The following TRPM4 variants were observed in gnomAD, a reference collection of about 807,000 sequenced individuals.
TRPM4 encodes transient receptor potential cation channel subfamily M member 4.
In TRPM4, 124 loss-of-function variants were observed where a neutral mutation model predicts 135.6. That is an observed-to-expected ratio of 0.91 (90% CI 0.79 to 1.06). The LOEUF (loss-of-function observed/expected upper bound fraction) is 1.06, where lower values mean the gene tolerates loss of function less well. Ranked by LOEUF, TRPM4 falls within the 50% of genes least tolerant of loss-of-function variation. The pLI is 0.00. For synonymous variants in TRPM4, 745 were observed against 705.6 expected, an observed-to-expected ratio of 1.06 and a Z score of -0.88; for missense variants, 1,658 against 1,671.4, an observed-to-expected ratio of 0.99 and a Z score of 0.14.
intron 9 of TRPM4, among the ~76,000 whole-genome samples, chr19:49,180,386 C>T (rs929514044): frequency 4.6e-5 from 7 of 151,282 alleles, no homozygotes; most frequent in African/African-American, 1.7e-4. Flanking sequence ...CAATATACCC[C>T]AAGTTTCAGA....
intron 2 of TRPM4, chr19:49,159,263 C>T (rs1167287976): frequency 6.6e-6 from 1 of 151,700 alleles, no homozygotes; most frequent in Non-Finnish European, 1.5e-5. Context: ...ATCTCCTGAC[C>T]TTGTGATCCG....
chr19:49,164,741 C>CT (rs1011095732), intron 2 of TRPM4, among the ~76,000 whole-genome samples: 1 of 150,020 alleles, frequency 6.7e-6, no homozygotes, highest in South Asian at 2.1e-4. Context: ...TCCTTCTTTT[C>CT]TTTTTTTTGA....
At chr19:49,186,485 G>T (rs748921363) in intron 12 of TRPM4, among the ~76,000 whole-genome samples, 8 of 152,094 alleles carry the variant, frequency 5.3e-5, no homozygotes, top group Non-Finnish European at 1.2e-4. Context: ...TCCTTTCATG[G>T]CCTCTTTCTT....
rs1157502779 is a variant in TRPM4, at chr19:49,196,463, C to T, written c.2234C>T (p.Thr745Met). Reference sequence around the variant, plus strand: ...AGGACGGCGGACCCAGCCGAGAAGACGCCGCTGGGGGTCCCGCGCCAGTCG... The same window carrying T: ...AGGACGGCGGACCCAGCCGAGAAGATGCCGCTGGGGGTCCCGCGCCAGTCG... ...PVGTADPAEK[T>M]PLGVPRQSGR... Residue 745 changes from threonine (T) to methionine (M), a missense_variant, in exon 17 of 25, where the codon ACG becomes ATG. Physicochemically the swap from Thr to Met is moderately conservative, Grantham distance 81. This residue lies in a region of TRPM4 where 1,412 missense variants were observed against 1,408.7 expected (regional missense o/e 1.00). Coordinates refer to ENST00000252826, the MANE Select transcript of TRPM4 (RefSeq NM_017636.4). 1.9e-6 allele frequency: 3 copies of T among 1,548,706 alleles called. No homozygotes were observed. Among genetic ancestry groups the T allele is most frequent in the South Asian group, 1.2e-5 (1 of 83,468 alleles).
chr19:49,165,679 G>A (rs887413182), intron 2 of TRPM4, among the ~76,000 whole-genome samples: 1 of 152,164 alleles, frequency 6.6e-6, no homozygotes, highest in Non-Finnish European at 1.5e-5. Context: ...TGAGTTACCC[G>A]CTGGATGTTC....
In TRPM4 at chr19:49,171,769, G is replaced by T; in HGVS notation, c.1050G>T (p.Gln350His). Residue 350 changes from glutamine to histidine, a missense_variant and splice_region_variant, in exon 8 of 25, where the codon CAG becomes CAT. Around this residue, in one of 3 missense-constraint regions of TRPM4, gnomAD observed 1,412 missense variants for 1,408.7 expected, o/e 1.00. Transcript: ENST00000252826. The surrounding 1 kb of genome is among the most constrained non-coding windows in gnomAD (Gnocchi z 4.7). Reference sequence around the variant, plus strand: ...GGGACCTTGAGGTCCTGCAGGCCCAGGTATGACACTGGGGGCCCAACTCTG... The same window carrying T: ...GGGACCTTGAGGTCCTGCAGGCCCATGTATGACACTGGGGGCCCAACTCTG... ...PKGDLEVLQAQVERIMTRKEL... is the reference protein window; with the variant it reads ...PKGDLEVLQAHVERIMTRKEL... The T allele has an allele frequency of 6.2e-7, 1 of 1,608,790 alleles. No homozygotes were observed.
intron 2 of TRPM4, among the ~76,000 whole-genome samples, chr19:49,161,445 C>A (rs148135192): frequency 0.014 from 2,035 of 150,132 alleles, 41 homozygotes; most frequent in Middle Eastern, 0.027. Context: ...ACATGAGCCT[C>A]CGGAGTAGCT....
chr19:49,183,834 C>T (rs936318989), intron 12 of TRPM4, among the ~76,000 whole-genome samples: 1 of 148,768 alleles, frequency 6.7e-6, no homozygotes, highest in Non-Finnish European at 1.5e-5. Flanking sequence ...AGTGCAGTGG[C>T]ATGATCTCGG....
chr19:49,197,310 TTC>T (rs1345016268), intron 17 of TRPM4, among the ~76,000 whole-genome samples: 31 of 57,442 alleles, frequency 5.4e-4, no homozygotes, highest in African/African-American at 2.5e-3. Context: ...TTCTTTCTTT[TTC>T]TTTCTTTCTT....
chr19:49,209,743 CTTTTTTT>C (rs780991215), intron 20 of TRPM4, among the ~76,000 whole-genome samples: 3 of 105,854 alleles, frequency 2.8e-5, no homozygotes, highest in African/African-American at 3.8e-5. Context: ...TCTAAACTGA[CTTTTTTT>C]TTTTTTTTTT....
chr19:49,211,054 G>C lies in TRPM4; in HGVS notation c.3501G>C (p.Glu1167Asp). 1 of 1,614,170 alleles carries C rather than the reference G, an allele frequency of 6.2e-7. No homozygotes were observed. The highest frequency in any genetic ancestry group is 8.5e-7 in the Non-Finnish European group (1 of 1,180,016). Residue 1167 changes from glutamate to aspartate, a missense_variant, in exon 23 of 25, where the codon GAG becomes GAC. By Grantham distance (45) the Glu-to-Asp change is conservative (BLOSUM62 2). Transcript: ENST00000252826. This position sits in a 1 kb window ranked among gnomAD's most constrained non-coding sequence, Gnocchi z 4.8. ...TGAAACAGCTGGGACACATCCGCGA[G>C]TACGAACAGCGCCTGAAAGTGCTGG... ...LALKQLGHIREYEQRLKVLER... is the reference protein window; with the variant it reads ...LALKQLGHIRDYEQRLKVLER...
intron 2 of TRPM4, among the ~76,000 whole-genome samples, chr19:49,165,618 G>A (rs1489374323): frequency 1.3e-5 from 2 of 152,048 alleles, no homozygotes; most frequent in Non-Finnish European, 2.9e-5. Flanking sequence ...AGGTGAAGCC[G>A]CTCGCCCAAA....
intron 20 of TRPM4, among the ~76,000 whole-genome samples, chr19:49,203,176 C>T (rs1170242812): frequency 1.3e-5 from 2 of 151,582 alleles, no homozygotes; most frequent in East Asian, 1.9e-4. Context: ...CAGGCGTGAG[C>T]CACCGCGCCC....
intron 2 of TRPM4, chr19:49,158,514 T>C: frequency 1.8e-6 from 1 of 546,554 alleles, no homozygotes; most frequent in South Asian, 2.3e-5. Context: ...CTCCCCGATG[T>C]CTCTTCTATG....
Position 49,211,764 on chromosome 19 carries a change from G to T in TRPM4, c.*266G>T. The T allele has an allele frequency of 1.7e-6, 1 of 581,158 alleles. No individual in the cohort carries two copies. The allele number at this position is 581,158 out of a possible 1,614,324, so 36.0% of individuals were successfully genotyped here. A position where few individuals can be genotyped will look rare whatever the true frequency, so the allele number is the denominator to read the frequency against. On this transcript the variant is annotated 3_prime_UTR_variant, in exon 25 of 25. Transcript: ENST00000252826. The surrounding 1 kb of genome is among the most constrained non-coding windows in gnomAD (Gnocchi z 4.8). ...CATCTGGAGGCTGCAGGGTCCTTGG[G>T]GTAACAGGGACCACAGACCCCTCAC... is the stretch of plus-strand genomic sequence containing the variant.
rs1967538408 is a variant in TRPM4 at position 49,173,170 on chromosome 19, C to T, written c.1150+1062C>T. Among the ~76,000 whole-genome samples, 4 of 151,630 alleles carry T rather than the reference C, an allele frequency of 2.6e-5. No individual in the cohort carries two copies. The South Asian group carries it at 8.3e-4, about 32-fold the overall frequency. Reference sequence around the variant, plus strand: ...CTGAGAATGCCATCTGCTCATTCTTCTATCCATCCATCTTCTCACCTGTCC... The same window carrying T: ...CTGAGAATGCCATCTGCTCATTCTTTTATCCATCCATCTTCTCACCTGTCC... On this transcript the variant is annotated intron_variant, in intron 9 of 24. Transcript: ENST00000252826.
At chr19:49,184,610 G>A (rs1183693118) in intron 12 of TRPM4, among the ~76,000 whole-genome samples, 1 of 151,562 alleles carries the variant, frequency 6.6e-6, no homozygotes, top group Non-Finnish European at 1.5e-5. Flanking sequence ...CTCCCAAGTA[G>A]CTGGGACTAC....
intron 9 of TRPM4, among the ~76,000 whole-genome samples, chr19:49,176,400 A>G (rs10421317): frequency 0.35 from 53,663 of 151,778 alleles, 9,930 homozygotes; most frequent in African/African-American, 0.46. Flanking sequence ...TAATTTTTTT[A>G]TAGGGATAGG....
intron 16 of TRPM4, among the ~76,000 whole-genome samples, 200 bp downstream of exon 16, chr19:49,190,973 G>T (rs1968390367): frequency 6.6e-6 from 1 of 152,168 alleles, no homozygotes; most frequent in African/African-American, 2.4e-5. Context: ...GGCATCTGCG[G>T]CTGGTGAGCC....
Sources: gnomAD v4.1 joint callset for allele counts (sites outside exome capture counted in the v4.1 genomes callset) on GRCh38, gnomAD v4.1.1 for gene constraint, gnomAD v4.1.1 regional missense constraint, Gnocchi (gnomAD v3.1) non-coding constraint, MANE v1.5 for transcripts, NCBI Gene and HGNC (gene_info 2026-07-23, HGNC 2026-07-21) for gene names.